The following TRDMT1 variants were observed in gnomAD, a reference collection of about 807,000 sequenced individuals.
TRDMT1 encodes tRNA (cytosine(38)-C(5))-methyltransferase.
TRDMT1 carries 49 observed loss-of-function variants against 51.2 expected under a neutral mutation model. That is an observed-to-expected ratio of 0.96 (90% CI 0.76 to 1.21). The LOEUF (loss-of-function observed/expected upper bound fraction) is 1.21. Among genes scored for constraint, TRDMT1 ranks in the 50% most tolerant of loss-of-function variants. TRDMT1 has a pLI of 0.00. For synonymous variants in TRDMT1, 187 were observed against 164.6 expected, an observed-to-expected ratio of 1.14 and a Z score of -1.04; for missense variants, 534 against 462.3, an observed-to-expected ratio of 1.16 and a Z score of -1.42.
At position 17,143,314 on chromosome 10, in the gene TRDMT1, G is replaced by A. The variant is rs12248256; in HGVS notation, c.*5726C>T. 5,763 of 985,012 alleles carry A rather than the reference G, an allele frequency of 5.9e-3. 214 individuals carry two copies. The African/African-American group carries it at 0.085, about 14-fold the overall frequency. 61.0% of individuals were successfully genotyped at this position (985,012 alleles called of 1,614,324 possible). A position where few individuals can be genotyped will look rare whatever the true frequency, so the allele number is the denominator to read the frequency against. On this transcript the variant is annotated 3_prime_UTR_variant, in exon 11 of 11. Transcript: ENST00000377799. ...GGGGGACAACGTATTAACAATCTCTGCCCTTGTGGAAGTTTACATTCTCTA... is the reference window on the plus strand; with the variant it reads ...GGGGGACAACGTATTAACAATCTCTACCCTTGTGGAAGTTTACATTCTCTA...
At chr10:17,179,196 T>C (rs1842972658) in intron 1 of TRDMT1, among the ~76,000 whole-genome samples, 1 of 152,170 alleles carries the variant, frequency 6.6e-6, no homozygotes, top group Non-Finnish European at 1.5e-5. Flanking sequence ...AGAAAGTCTA[T>C]TTAAAGTCAT....
intron 2 of TRDMT1, 98 bp from the exon 3 acceptor site, chr10:17,169,015 G>A: frequency 1.2e-6 from 1 of 809,488 alleles, no homozygotes; most frequent in East Asian, 2.8e-5. Flanking sequence ...ATCAGAAACT[G>A]AAACAGTTTA....
chr10:17,150,861 T>C (rs1838603017), intron 10 of TRDMT1: 6 of 985,104 alleles, frequency 6.1e-6, no homozygotes, highest in Admixed American at 6.2e-5. Context: ...TACTTCAAAG[T>C]AGCCAGAGGT....
intron 1 of TRDMT1, among the ~76,000 whole-genome samples, chr10:17,186,101 GT>G (rs1843876238): frequency 6.8e-6 from 1 of 146,542 alleles, no homozygotes; most frequent in African/African-American, 2.5e-5. Flanking sequence ...GGTCAATGCA[GT>G]TGTGAGCATC....
rs2131354938 is a variant in TRDMT1 at position 17,144,489 on chromosome 10, A to T, written c.*4551T>A. The stretch of plus-strand genomic sequence containing the variant: ...GGAAAAATGAGATTTTGGAAGCTTT[A>T]GGAGTCAAGTGTGGTGTACTTGAGG... On this transcript the variant is annotated 3_prime_UTR_variant, in exon 11 of 11. Transcript: ENST00000377799. 1 of 985,850 alleles carries T rather than the reference A, an allele frequency of 1.0e-6. No homozygotes were observed. Among genetic ancestry groups the T allele is most frequent in the Non-Finnish European group, 1.2e-6 (1 of 829,932 alleles). The allele number at this position is 985,850 out of a possible 1,614,324, so 61.1% of individuals were successfully genotyped here.
intron 10 of TRDMT1, chr10:17,151,459 T>C (rs1394600841): frequency 8.2e-6 from 8 of 970,390 alleles, no homozygotes; most frequent in Non-Finnish European, 9.8e-6. Context: ...TCATTGCCAG[T>C]AGACAAACAG....
intron 1 of TRDMT1, among the ~76,000 whole-genome samples, chr10:17,194,632 G>A (rs1024982980): frequency 1.3e-5 from 2 of 151,964 alleles, no homozygotes; most frequent in African/African-American, 2.4e-5. Flanking sequence ...CAATGGCTAC[G>A]ATTAAAAAGT....
chr10:17,142,320 T>C lies in TRDMT1; in HGVS notation c.*6720A>G, dbSNP rs1246099071. The C allele has an allele frequency of 1.1e-4, 17 of 152,228 alleles. No individual in the cohort carries two copies. Among genetic ancestry groups the C allele is most frequent in the Admixed American group, 1.1e-3 (17 of 15,274 alleles). The allele number at this position is 152,228 out of a possible 1,614,324, so 9.4% of individuals were successfully genotyped here. A position where few individuals can be genotyped will look rare whatever the true frequency, so the allele number is the denominator to read the frequency against. ...TTTAGCATGCAAGCCCTGGCTTAGT[T>C]TTTGTGGGCTATGAGTCCAGTGGTA... On this transcript the variant is annotated 3_prime_UTR_variant, in exon 11 of 11. Coordinates refer to ENST00000377799, the MANE Select transcript of TRDMT1 (RefSeq NM_004412.7).
chr10:17,178,675 CGG>C (rs1287919989), intron 1 of TRDMT1, among the ~76,000 whole-genome samples: 1 of 105,160 alleles, frequency 9.5e-6, no homozygotes, highest in African/African-American at 5.1e-5. Context: ...GACTCTGTCT[CGG>C]AAAAAAAAAA....
intron 4 of TRDMT1, among the ~76,000 whole-genome samples, chr10:17,161,830 C>A (rs1840398932): frequency 6.6e-6 from 1 of 152,206 alleles, no homozygotes; most frequent in Non-Finnish European, 1.5e-5. Context: ...CGGCTACTCA[C>A]ATAGAAGGGT....
intron 1 of TRDMT1, among the ~76,000 whole-genome samples, chr10:17,177,947 T>G (rs550289353): frequency 9.5e-4 from 145 of 152,256 alleles, no homozygotes; most frequent in Middle Eastern, 3.4e-3. Flanking sequence ...ATTTACAAGA[T>G]GTAAATGCAA....
In TRDMT1 at chr10:17,157,498, G is replaced by A; in HGVS notation, c.830C>T (p.Ala277Val). 1 of 1,613,980 alleles carries A rather than the reference G, an allele frequency of 6.2e-7. No individual in the cohort carries two copies. Among genetic ancestry groups the A allele is most frequent in the Non-Finnish European group, 8.5e-7 (1 of 1,179,886 alleles). Residue 277 changes from alanine to valine, a missense_variant, in exon 8 of 11, where the codon GCT becomes GTT. Physicochemically the swap from Ala to Val is moderately conservative, Grantham distance 64. Coordinates refer to ENST00000377799, the MANE Select transcript of TRDMT1 (RefSeq NM_004412.7). ...GGGCTGAACAATGTCTAACAGAAGA[G>A]CATATCGCAGCAATGACTTTGGTGG... ...LLPPKSLLRY[A>V]LLLDIVQPTC...
rs549626158 is a variant in TRDMT1 at position 17,161,379 on chromosome 10, T to G, written c.389+104A>C. 8.4e-5 allele frequency: 66 copies of G among 787,956 alleles called. No homozygotes were observed. The African/African-American group carries it at 1.0e-3, about 12-fold the overall frequency. The allele number at this position is 787,956 out of a possible 1,614,324, so 48.8% of individuals were successfully genotyped here. Reference sequence around the variant, plus strand: ...TGAGTAAGACATTTAATATATAAAATGTCAGAATGTATGCACTGGTTTTTA... The same window carrying G: ...TGAGTAAGACATTTAATATATAAAAGGTCAGAATGTATGCACTGGTTTTTA... On this transcript the variant is annotated intron_variant, in intron 5 of 10. Coordinates refer to ENST00000377799, the MANE Select transcript of TRDMT1 (RefSeq NM_004412.7).
intron 1 of TRDMT1, among the ~76,000 whole-genome samples, chr10:17,182,849 C>G (rs148490725): frequency 2.6e-5 from 4 of 152,170 alleles, no homozygotes; most frequent in African/African-American, 4.8e-5. Context: ...TCAAAAATAC[C>G]AAATTTTAAA....
At chr10:17,168,952 T>C in intron 2 of TRDMT1, 35 bp from the exon 3 acceptor site, 2 of 1,399,492 alleles carry the variant, frequency 1.4e-6, no homozygotes, top group East Asian at 2.3e-5. Context: ...AAAAAGAACA[T>C]AAAAACATGG....
rs1450569111 is a variant in TRDMT1, at chr10:17,141,678, C to T, written c.*7362G>A. 1.3e-5 allele frequency among the ~76,000 whole-genome samples: 2 copies of T among 152,102 alleles called. No homozygotes were observed. Among genetic ancestry groups the T allele is most frequent in the Non-Finnish European group, 2.9e-5 (2 of 68,032 alleles). ...ATCAGGTAAATTCTACTGATCCGTC[C>T]TTAGGTTCACTGATTTCTATCTTCT... On this transcript the variant is annotated 3_prime_UTR_variant, in exon 11 of 11. Coordinates refer to ENST00000377799, the MANE Select transcript of TRDMT1 (RefSeq NM_004412.7).
intron 10 of TRDMT1, 151 bp downstream of exon 10, chr10:17,153,356 G>C: frequency 1.2e-6 from 1 of 855,650 alleles, no homozygotes. Flanking sequence ...TGAGGGGAAA[G>C]AGGGCAGAAA....
chr10:17,153,762 G>A lies in TRDMT1; in HGVS notation c.946-126C>T, dbSNP rs1193231511. 5.4e-6 allele frequency: 5 copies of A among 918,060 alleles called. No homozygotes were observed. In the Admixed American group the frequency reaches 9.5e-5, roughly 17 times the overall value. The allele number at this position is 918,060 out of a possible 1,614,324, so 56.9% of individuals were successfully genotyped here. On this transcript the variant is annotated intron_variant, in intron 9 of 10. Coordinates refer to ENST00000377799, the MANE Select transcript of TRDMT1 (RefSeq NM_004412.7). ...GTAACACACAGTGGCAAAGTGCACA[G>A]GGCAAAATGGCTCTGTGCAATAGAC...
rs1174741433 is a variant in TRDMT1, at chr10:17,146,934, T to C, written c.*2106A>G. 3 of 985,300 alleles carry C rather than the reference T, an allele frequency of 3.0e-6. No homozygotes were observed. Among genetic ancestry groups the C allele is most frequent in the East Asian group, 2.3e-4 (2 of 8,826 alleles). 61.0% of individuals were successfully genotyped at this position (985,300 alleles called of 1,614,324 possible). A position where few individuals can be genotyped will look rare whatever the true frequency, so the allele number is the denominator to read the frequency against. ...TTACTGCATATTTTCAATTATGAAT[T>C]AAGGGCAAGAATCACCGTCTTCCTG... On this transcript the variant is annotated 3_prime_UTR_variant, in exon 11 of 11. Transcript: ENST00000377799.
Sources: gnomAD v4.1 joint callset for allele counts (sites outside exome capture counted in the v4.1 genomes callset) on GRCh38, gnomAD v4.1.1 for gene constraint, MANE v1.5 for transcripts, NCBI Gene and HGNC (gene_info 2026-07-23, HGNC 2026-07-21) for gene names.